MTARC2: variants seen among roughly 807,000 people sequenced by gnomAD.
MTARC2 encodes the protein MOCO sulphurase C-terminal domain containing 2.
A neutral mutation model predicts 35.6 loss-of-function variants in MTARC2; 27 were observed. The observed-to-expected ratio is 0.76, with a 90% CI of 0.56 to 1.04. MTARC2 has a LOEUF of 1.04. Ranked by LOEUF, MTARC2 falls within the 50% of genes least tolerant of loss-of-function variation. MTARC2 has a pLI of 0.00. For synonymous variants in MTARC2, 158 were observed against 167.1 expected, an observed-to-expected ratio of 0.95 and a Z score of 0.42; for missense variants, 412 against 432.5, an observed-to-expected ratio of 0.95 and a Z score of 0.42.
At chr1:220,778,452 C>T (rs890657494) in intron 4 of MTARC2, among the ~76,000 whole-genome samples, 4 of 151,918 alleles carry the variant, frequency 2.6e-5, no homozygotes, top group Non-Finnish European at 5.9e-5. Context: ...TTTAAGCAAC[C>T]GGATCTCGCA....
At chr1:220,761,884 C>A (rs1413709825) in intron 3 of MTARC2, 64 bp downstream of exon 3, 1 of 1,486,584 alleles carries the variant, frequency 6.7e-7, no homozygotes, top group Non-Finnish European at 9.1e-7. Context: ...GCTTCCTTCC[C>A]AGTTGATAAA....
At chr1:220,768,679 G>T (rs936799212) in intron 4 of MTARC2, among the ~76,000 whole-genome samples, 17 of 152,124 alleles carry the variant, frequency 1.1e-4, no homozygotes, top group Non-Finnish European at 2.4e-4. Flanking sequence ...AAAGAAGCAG[G>T]ACAATTGTGC....
intron 2 of MTARC2, among the ~76,000 whole-genome samples, chr1:220,760,825 A>G (rs142921935): frequency 1.5e-4 from 23 of 152,364 alleles, no homozygotes; most frequent in African/African-American, 5.3e-4. Context: ...AATAATATAC[A>G]TATGTGTTCA....
chr1:220,772,034 T>C (rs1208176458), intron 4 of MTARC2, among the ~76,000 whole-genome samples: 1 of 152,256 alleles, frequency 6.6e-6, no homozygotes, highest in Admixed American at 6.5e-5. Context: ...TCCACCATTT[T>C]CATTTAATGG....
Position 220,755,173 on chromosome 1 carries a change from G to A in MTARC2, c.446+53G>A, listed in dbSNP as rs891417867. 1.3e-5 allele frequency: 20 copies of A among 1,512,674 alleles called. No homozygotes were observed. The Middle Eastern group carries it at 9.0e-4, about 68-fold the overall frequency. The allele number at this position is 1,512,674 out of a possible 1,614,324, so 93.7% of individuals were successfully genotyped here. On this transcript the variant is annotated intron_variant, in intron 2 of 7. Coordinates refer to ENST00000366913, the MANE Select transcript of MTARC2 (RefSeq NM_017898.5). ...CTGCAACAGGCTTGGTTTCTCTTCA[G>A]GCTCCTCCTTGCATTCTGTCTTGCT...
At chr1:220,774,048 A>G (rs1671820673) in intron 4 of MTARC2, among the ~76,000 whole-genome samples, 2 of 151,772 alleles carry the variant, frequency 1.3e-5, no homozygotes, top group Non-Finnish European at 2.9e-5. Flanking sequence ...GTTCAGTGTT[A>G]ATAGATATAG....
intron 4 of MTARC2, among the ~76,000 whole-genome samples, chr1:220,779,281 T>C (rs1389745): frequency 0.016 from 2,469 of 152,306 alleles, 44 homozygotes; most frequent in East Asian, 0.056. Context: ...TATAAACATA[T>C]ATATGGTTAA....
At chr1:220,767,570 G>A (rs1274696554) in intron 4 of MTARC2, among the ~76,000 whole-genome samples, 1 of 152,192 alleles carries the variant, frequency 6.6e-6, no homozygotes, top group Non-Finnish European at 1.5e-5. Context: ...TAATGAAATT[G>A]ACCAATGCTT....
intron 2 of MTARC2, among the ~76,000 whole-genome samples, chr1:220,759,114 C>CT (rs1017633420): frequency 3.3e-5 from 5 of 152,098 alleles, no homozygotes; most frequent in African/African-American, 1.2e-4. Flanking sequence ...CATAGCAAGT[C>CT]TTAAAAACAC....
chr1:220,748,548 C>A lies in MTARC2; in HGVS notation c.17C>A (p.Ser6Tyr). The change falls in exon 1 of 8, where the codon TCC becomes TAC. Residue 6 changes from serine (S) to tyrosine (Y), a missense_variant. Coordinates refer to ENST00000366913, the MANE Select transcript of MTARC2 (RefSeq NM_017898.5). The stretch of plus-strand genomic sequence containing the variant: ...CGCTCTGCCATGGGCGCTTCCAGCT[C>A]CTCCGCGCTGGCCCGCCTCGGCCTC... The part of the protein sequence containing the change: MGASS[S>Y]SALARLGLPA... 1 of 1,432,772 alleles carries A rather than the reference C, an allele frequency of 7.0e-7. No homozygotes were observed. The highest frequency in any genetic ancestry group is 9.1e-7 in the Non-Finnish European group (1 of 1,102,080). 88.8% of individuals were successfully genotyped at this position (1,432,772 alleles called of 1,614,324 possible). A position where few individuals can be genotyped will look rare whatever the true frequency, so the allele number is the denominator to read the frequency against.
At chr1:220,760,401 C>G (rs575877894) in intron 2 of MTARC2, among the ~76,000 whole-genome samples, 22 of 152,180 alleles carry the variant, frequency 1.4e-4, no homozygotes, top group African/African-American at 5.1e-4. Context: ...AAATATATTG[C>G]CTGGAGATTC....
chr1:220,762,959 T>C lies in MTARC2; in HGVS notation c.659T>C (p.Leu220Pro). ...CTCCTGATCATGACAGATGCCTCCC[T>C]GGTAGATTTGAATACCAGGATGGAG... ...CPLLIMTDAS[L>P]VDLNTRMEKK... The change falls in exon 4 of 8, where the codon CTG becomes CCG. Residue 220 changes from leucine to proline, a missense_variant. By Grantham distance (98) the Leu-to-Pro change is moderately conservative (BLOSUM62 -3). Transcript: ENST00000366913. The C allele has an allele frequency of 6.2e-7, 1 of 1,614,204 alleles. No homozygotes were observed. Among genetic ancestry groups the C allele is most frequent in the Non-Finnish European group, 8.5e-7 (1 of 1,180,030 alleles).
chr1:220,780,364 A>G, intron 6 of MTARC2, 125 bp downstream of exon 6: 1 of 745,920 alleles, frequency 1.3e-6, no homozygotes, highest in Non-Finnish European at 2.1e-6. Context: ...CTTCCAGTCT[A>G]CCTTCTGACT....
chr1:220,780,043 G>T lies in MTARC2; in HGVS notation c.776G>T (p.Gly259Val). ...EEDTWDELLIGSVEVKKVMAC... is the reference protein window; with the variant it reads ...EEDTWDELLIVSVEVKKVMAC... The stretch of plus-strand genomic sequence containing the variant: ...GATACCTGGGATGAACTCCTAATTG[G>T]TAGTGTAGAAGTGAAAAAGGTAATG... The change falls in exon 5 of 8, where the codon GGT becomes GTT. Residue 259 changes from glycine to valine, a missense_variant. By Grantham distance (109) the Gly-to-Val change is moderately radical. Transcript: ENST00000366913. 6.5e-7 allele frequency: 1 copy of T among 1,539,570 alleles called. No homozygotes were observed. Among genetic ancestry groups the T allele is most frequent in the African/African-American group, 1.4e-5 (1 of 70,412 alleles).
chr1:220,761,686 G>A lies in MTARC2; in HGVS notation c.475G>A (p.Asp159Asn). ...RIFGLDIKGR[D>N]CGNEAAKWFT... The stretch of plus-strand genomic sequence containing the variant: ...ATTTGGCCTTGACATTAAAGGCAGA[G>A]ACTGTGGCAATGAGGCAGCTAAGTG... The change falls in exon 3 of 8, where the codon GAC (aspartate) becomes AAC (asparagine). Residue 159 changes from aspartate (D) to asparagine (N), a missense_variant. By Grantham distance (23) the Asp-to-Asn change is conservative. Coordinates refer to ENST00000366913, the MANE Select transcript of MTARC2 (RefSeq NM_017898.5). 1 of 1,613,926 alleles carries A rather than the reference G, an allele frequency of 6.2e-7. No homozygotes were observed. The highest frequency in any genetic ancestry group is 8.5e-7 in the Non-Finnish European group (1 of 1,179,948).
At position 220,761,802 on chromosome 1, in the gene MTARC2, T is replaced by C; in HGVS notation, c.591T>C (p.Thr197=). The part of the protein sequence containing the change: ...KGRTSRKLLP[T]LDQNFQVAYP... ...GAACATCAAGAAAACTTCTCCCCACTCTTGATCAGAATTTCCAGGTGAGCT... is the reference window on the plus strand; with the variant it reads ...GAACATCAAGAAAACTTCTCCCCACCCTTGATCAGAATTTCCAGGTGAGCT... The change falls in exon 3 of 8, where the codon ACT becomes ACC. Residue 197 remains threonine, a synonymous_variant. Transcript: ENST00000366913. 1 of 1,610,420 alleles carries C rather than the reference T, an allele frequency of 6.2e-7. No homozygotes were observed. The highest frequency in any genetic ancestry group is 1.3e-5 in the African/African-American group (1 of 74,892).
chr1:220,782,912 A>G (rs567796120), intron 7 of MTARC2, among the ~76,000 whole-genome samples: 8 of 152,362 alleles, frequency 5.3e-5, no homozygotes, highest in Admixed American at 3.9e-4. Flanking sequence ...ATTAATTCAT[A>G]TAAAGTTGCG....
chr1:220,749,433 T>C (rs111932415), intron 1 of MTARC2, among the ~76,000 whole-genome samples: 58 of 111,534 alleles, frequency 5.2e-4, no homozygotes, highest in African/African-American at 2.8e-3. Context: ...TCTTCTTTTT[T>C]TTTTTTTTTT....
At chr1:220,775,777 T>C (rs971456809) in intron 4 of MTARC2, among the ~76,000 whole-genome samples, 1 of 152,230 alleles carries the variant, frequency 6.6e-6, no homozygotes, top group Non-Finnish European at 1.5e-5. Flanking sequence ...GAACATGTTG[T>C]ATTTGGTTTT....
Sources: gnomAD v4.1 joint callset for allele counts (sites outside exome capture counted in the v4.1 genomes callset) on GRCh38, gnomAD v4.1.1 for gene constraint, MANE v1.5 for transcripts, NCBI Gene and HGNC (gene_info 2026-07-23, HGNC 2026-07-21) for gene names.